TRAPPC9: variants seen among roughly 807,000 people sequenced by gnomAD.
TRAPPC9 encodes IKK2 binding protein.
In TRAPPC9, 83 loss-of-function variants were observed where a neutral mutation model predicts 124.0. The ratio of observed to expected loss-of-function variants is 0.67; its 90% CI spans 0.56 to 0.80. TRAPPC9 has a LOEUF of 0.80. Among genes scored for constraint, TRAPPC9 ranks in the 30% least tolerant of loss-of-function variants. The pLI, the probability that TRAPPC9 is intolerant of heterozygous loss-of-function variation, is 0.00. For synonymous variants in TRAPPC9, 638 were observed against 617.5 expected (o/e 1.03, Z -0.49); for missense variants, 1,302 against 1,508.3 (o/e 0.86, Z 2.27).
At chr8:140,116,969 C>T (rs548065361) in intron 17 of TRAPPC9, among the ~76,000 whole-genome samples, 1 of 151,980 alleles carries the variant, frequency 6.6e-6, no homozygotes, top group Admixed American at 6.6e-5. Context: ...CAGGCTCTCC[C>T]ACACCAACCA....
At chr8:139,876,168 C>T (rs1829308705) in intron 21 of TRAPPC9, among the ~76,000 whole-genome samples, 1 of 152,238 alleles carries the variant, frequency 6.6e-6, no homozygotes, top group South Asian at 2.1e-4. Flanking sequence ...CACGTTCTCG[C>T]TGTAGGGACA....
chr8:139,978,550 A>G (rs1474017233), intron 19 of TRAPPC9, among the ~76,000 whole-genome samples: 2 of 152,238 alleles, frequency 1.3e-5, no homozygotes, highest in African/African-American at 4.8e-5. Context: ...ATGGGGAAAT[A>G]GGTAGGGATA....
intron 18 of TRAPPC9, among the ~76,000 whole-genome samples, chr8:140,018,585 C>T (rs1381833484): frequency 6.6e-6 from 1 of 151,752 alleles, no homozygotes; most frequent in African/African-American, 2.4e-5. Context: ...CCTCAGCCTC[C>T]CAAAGTGCTG....
intron 20 of TRAPPC9, among the ~76,000 whole-genome samples, chr8:139,895,394 C>A (rs562994994): frequency 2.0e-5 from 3 of 151,816 alleles, no homozygotes; most frequent in Non-Finnish European, 4.4e-5. Context: ...AAAAAAATTA[C>A]GGTAAAAAGG....
In TRAPPC9 at chr8:140,419,428, C is replaced by CAA. The variant is rs61155157; in HGVS notation, c.886+7185_886+7186dup. Among the ~76,000 whole-genome samples, 136 of 79,494 alleles carry CAA rather than the reference C, an allele frequency of 1.7e-3. 1 individual carries two copies. Among genetic ancestry groups the CAA allele is most frequent in the Non-Finnish European group, 2.2e-3 (88 of 40,908 alleles). The allele number at this position is 79,494 out of a possible 152,430, so 52.2% of individuals were successfully genotyped here. A position where few individuals can be genotyped will look rare whatever the true frequency, so the allele number is the denominator to read the frequency against. ...TGGGCGACAGAGTGAGACTCCGTCT[C>CAA]AAAAAAAAAAAAAAAAAAAAAAAAC... On this transcript the variant is annotated intron_variant, in intron 5 of 22. Transcript: ENST00000438773.
chr8:140,197,513 G>T (rs2131137828), intron 17 of TRAPPC9, among the ~76,000 whole-genome samples: 1 of 152,278 alleles, frequency 6.6e-6, no homozygotes, highest in South Asian at 2.1e-4. Flanking sequence ...TTTTTGTTTG[G>T]TTTTGTTTTG....
intron 7 of TRAPPC9, among the ~76,000 whole-genome samples, chr8:140,394,560 C>G (rs1449849502): frequency 6.6e-6 from 1 of 152,228 alleles, no homozygotes; most frequent in Non-Finnish European, 1.5e-5. Context: ...CTGAGCCCAT[C>G]TGACAGCGCG....
chr8:140,448,606 C>A (rs2071349455), intron 2 of TRAPPC9, among the ~76,000 whole-genome samples: 1 of 152,230 alleles, frequency 6.6e-6, no homozygotes, highest in South Asian at 2.1e-4. Flanking sequence ...GGATTCCTGA[C>A]CCATGCTGCC....
chr8:140,025,850 C>T (rs995019908), intron 17 of TRAPPC9, among the ~76,000 whole-genome samples: 1 of 152,198 alleles, frequency 6.6e-6, no homozygotes, highest in Non-Finnish European at 1.5e-5. Context: ...GTATGCATAA[C>T]ATAAAAGTTA....
At chr8:140,070,957 C>T (rs1462410261) in intron 17 of TRAPPC9, among the ~76,000 whole-genome samples, 1 of 152,202 alleles carries the variant, frequency 6.6e-6, no homozygotes, top group Non-Finnish European at 1.5e-5. Context: ...GGACGGGGGG[C>T]CCAGGCCTTG....
chr8:140,257,795 C>G lies in TRAPPC9; in HGVS notation c.2279-4866G>C, dbSNP rs1669283107. On this transcript the variant is annotated intron_variant, in intron 15 of 22. Transcript: ENST00000438773. The surrounding 1 kb of genome is among the most constrained non-coding windows in gnomAD (Gnocchi z 4.6). Reference sequence around the variant, plus strand: ...CCTTGTTCTTAGGCTGGAAGCCCTCCCGCCATGCCTGCAAACACCTGCACA... The same window carrying G: ...CCTTGTTCTTAGGCTGGAAGCCCTCGCGCCATGCCTGCAAACACCTGCACA... Among the ~76,000 whole-genome samples, 1 of 152,210 alleles carries G rather than the reference C, an allele frequency of 6.6e-6. No homozygotes were observed. The highest frequency in any genetic ancestry group is 2.4e-5 in the African/African-American group (1 of 41,440).
At position 139,729,892 on chromosome 8, in the gene TRAPPC9, G is replaced by A. The variant is rs921662466; in HGVS notation, c.*1169C>T. On this transcript the variant is annotated 3_prime_UTR_variant, in exon 23 of 23. Coordinates refer to ENST00000438773, the MANE Select transcript of TRAPPC9 (RefSeq NM_001160372.4). Reference sequence around the variant, plus strand: ...GCCCAACGGGCACCTGACGAGCCTGGTATCTGCTGGGGACCAAGGGCTGTT... The same window carrying A: ...GCCCAACGGGCACCTGACGAGCCTGATATCTGCTGGGGACCAAGGGCTGTT... Among the ~76,000 whole-genome samples, 1 of 152,184 alleles carries A rather than the reference G, an allele frequency of 6.6e-6. No individual in the cohort carries two copies. The highest frequency in any genetic ancestry group is 1.5e-5 in the Non-Finnish European group (1 of 68,028).
At chr8:140,300,672 T>C in intron 10 of TRAPPC9, 58 bp from the exon 11 acceptor site, 2 of 1,603,936 alleles carry the variant, frequency 1.2e-6, no homozygotes, top group Non-Finnish European at 8.5e-7. Context: ...GGTTTCAGGA[T>C]AAACATAACC....
At chr8:139,859,178 T>C (rs918049225) in intron 21 of TRAPPC9, among the ~76,000 whole-genome samples, 2 of 151,796 alleles carry the variant, frequency 1.3e-5, no homozygotes, top group Admixed American at 1.3e-4. Flanking sequence ...GTCACCGCTG[T>C]GCACCGAGCT....
rs1404339644 is a variant in TRAPPC9 at position 140,353,686 on chromosome 8, G to A, written c.1495+6364C>T. The stretch of plus-strand genomic sequence containing the variant: ...CATAGGCCACGGTTTGCCAAACCCT[G>A]CTCAAAAGCCTGACCAAAGGCCACA... On this transcript the variant is annotated intron_variant, in intron 9 of 22. Coordinates refer to ENST00000438773, the MANE Select transcript of TRAPPC9 (RefSeq NM_001160372.4). The surrounding 1 kb of genome is among the most constrained non-coding windows in gnomAD (Gnocchi z 4.2). 6.6e-6 allele frequency among the ~76,000 whole-genome samples: 1 copy of A among 152,232 alleles called. No homozygotes were observed.
intron 17 of TRAPPC9, among the ~76,000 whole-genome samples, chr8:140,202,666 T>C (rs1234692852): frequency 6.6e-6 from 1 of 152,218 alleles, no homozygotes; most frequent in South Asian, 2.1e-4. Flanking sequence ...TGCCAAAGTA[T>C]TGACCCTCAG....
chr8:140,445,929 G>A (rs774736165), intron 2 of TRAPPC9, among the ~76,000 whole-genome samples: 35 of 152,184 alleles, frequency 2.3e-4, no homozygotes, highest in African/African-American at 8.2e-4. Flanking sequence ...GGCTGCCCTT[G>A]GTGTTGGAGA....
At chr8:140,212,129 G>C (rs372225014) in intron 17 of TRAPPC9, among the ~76,000 whole-genome samples, 2 of 152,242 alleles carry the variant, frequency 1.3e-5, no homozygotes, top group African/African-American at 4.8e-5. Context: ...AGCAATGCAA[G>C]AAGACACGCC....
chr8:140,049,606 G>A (rs1322124211), intron 17 of TRAPPC9, among the ~76,000 whole-genome samples: 1 of 151,462 alleles, frequency 6.6e-6, no homozygotes, highest in African/African-American at 2.4e-5. Flanking sequence ...AGAAGGTTAT[G>A]TATCCCTCCC....
Sources: allele counts gnomAD v4.1 joint callset (sites outside exome capture counted in the v4.1 genomes callset), GRCh38; gene constraint gnomAD v4.1.1; non-coding constraint Gnocchi (gnomAD v3.1); transcripts MANE v1.5; gene names NCBI Gene and HGNC (gene_info 2026-07-23, HGNC 2026-07-21).